Variants in APBA2 observed in about 807,000 individuals in gnomAD.
The protein encoded by APBA2 is amyloid-beta A4 precursor protein-binding family A member 2.
A neutral mutation model predicts 75.0 loss-of-function variants in APBA2; 30 were observed. That is an observed-to-expected ratio of 0.40 (90% CI 0.30 to 0.54). APBA2 has a LOEUF of 0.54. Ranked by LOEUF, APBA2 falls within the 20% of genes least tolerant of loss-of-function variation. The pLI is 0.49. For missense variants in APBA2, 801 were observed against 1,016.1 expected (o/e 0.79, Z 2.88); for synonymous variants, 444 against 409.6 (o/e 1.08, Z -1.01).
In APBA2 at chr15:29,054,163, G is replaced by A. The variant is rs367796388; in HGVS notation, c.279G>A (p.Glu93=). The A allele has an allele frequency of 3.1e-6, 5 of 1,614,080 alleles. No homozygotes were observed. Among genetic ancestry groups the A allele is most frequent in the Admixed American group, 1.7e-5 (1 of 60,008 alleles). The stretch of plus-strand genomic sequence containing the variant: ...ACTATGACGAGGGCCTCCCTGAGGA[G>A]GAGGAGGGCATCACCTACTACATCC... ...EEDYDEGLPE[E]EEGITYYIRY... The change falls in exon 4 of 15, where the codon GAG becomes GAA. Residue 93 remains glutamate, a synonymous_variant. Coordinates refer to ENST00000683413, the MANE Select transcript of APBA2 (RefSeq NM_001353788.2). The surrounding 1 kb of genome is among the most constrained non-coding windows in gnomAD (Gnocchi z 6.1).
At chr15:29,052,562 C>T (rs1472583704) in intron 3 of APBA2, among the ~76,000 whole-genome samples, 2 of 152,098 alleles carry the variant, frequency 1.3e-5, no homozygotes, top group Non-Finnish European at 2.9e-5. Flanking sequence ...ATAGCCTTTT[C>T]ACTGGTCTCC....
chr15:29,010,459 C>T (rs1056452902), intron 3 of APBA2, among the ~76,000 whole-genome samples: 3 of 152,080 alleles, frequency 2.0e-5, no homozygotes, highest in Non-Finnish European at 4.4e-5. Flanking sequence ...GGGGTTTCAC[C>T]GTGTTAGCCA....
chr15:28,949,591 C>T (rs1243305400), intron 2 of APBA2, among the ~76,000 whole-genome samples: 1 of 152,178 alleles, frequency 6.6e-6, no homozygotes, highest in Non-Finnish European at 1.5e-5. Flanking sequence ...ACCTCAGCCT[C>T]CCAATTAGAT....
rs564119292 is a variant in APBA2 at position 29,045,277 on chromosome 15, A to G, written c.-40-8568A>G. Among the ~76,000 whole-genome samples, 7 of 144,720 alleles carry G rather than the reference A, an allele frequency of 4.8e-5. No homozygotes were observed. In the East Asian group the frequency reaches 1.2e-3, roughly 25 times the overall value. The allele number at this position is 144,720 out of a possible 152,430, so 94.9% of individuals were successfully genotyped here. ...TTTTTTTTTTTTGTATTTTTAGTAG[A>G]GATGGGATTTCACAATGTTGGCCAG... On this transcript the variant is annotated intron_variant, in intron 3 of 14. Coordinates refer to ENST00000683413, the MANE Select transcript of APBA2 (RefSeq NM_001353788.2).
chr15:29,078,541 G>A (rs1378891985), intron 6 of APBA2, among the ~76,000 whole-genome samples: 3 of 151,592 alleles, frequency 2.0e-5, no homozygotes, highest in African/African-American at 7.3e-5. Flanking sequence ...AACCCGGGAG[G>A]CGGAGCTTGC....
chr15:28,905,642 C>T (rs1032589326), intron 1 of APBA2, among the ~76,000 whole-genome samples: 10 of 152,188 alleles, frequency 6.6e-5, no homozygotes, highest in African/African-American at 2.2e-4. Context: ...CCTCCCGCCT[C>T]AGTCTCCTGA....
At chr15:28,920,550 CCTT>C (rs1420389867) in intron 1 of APBA2, among the ~76,000 whole-genome samples, 3 of 152,308 alleles carry the variant, frequency 2.0e-5, no homozygotes, top group African/African-American at 7.2e-5. Context: ...GGACACTACT[CCTT>C]CTTGTGCTTC....
chr15:29,114,085 C>T (rs2044903353), intron 14 of APBA2, 69 bp downstream of exon 14: 1 of 1,605,718 alleles, frequency 6.2e-7, no homozygotes. Context: ...CTCCATGAGC[C>T]TCCCCCGCTC....
Position 28,920,807 on chromosome 15 carries a change from C to T in APBA2, c.-204-833C>T, listed in dbSNP as rs150553210. ...GTGCTGGAGCTGGAGCCTGAACCCCCATATCTCAGTGCTGCCATCATCCTT... is the reference window on the plus strand; with the variant it reads ...GTGCTGGAGCTGGAGCCTGAACCCCTATATCTCAGTGCTGCCATCATCCTT... On this transcript the variant is annotated intron_variant, in intron 1 of 14. Coordinates refer to ENST00000683413, the MANE Select transcript of APBA2 (RefSeq NM_001353788.2). Among the ~76,000 whole-genome samples the T allele has an allele frequency of 2.1e-3, 319 of 152,238 alleles. 3 individuals are homozygous for T. Among genetic ancestry groups the T allele is most frequent in the African/African-American group, 7.4e-3 (309 of 41,516 alleles).
chr15:28,984,420 CAG>C (rs2037787611), intron 2 of APBA2, among the ~76,000 whole-genome samples: 1 of 152,028 alleles, frequency 6.6e-6, no homozygotes, highest in South Asian at 2.1e-4. Context: ...CTTAGTGTCA[CAG>C]AACCTAGGCT....
At chr15:29,100,598 T>A (rs956630553) in intron 9 of APBA2, among the ~76,000 whole-genome samples, 1 of 152,216 alleles carries the variant, frequency 6.6e-6, no homozygotes, top group Non-Finnish European at 1.5e-5. Flanking sequence ...GCCGAGGGAA[T>A]TGAAGTCAGG....
chr15:28,890,248 T>G (rs2032041479), intron 1 of APBA2, among the ~76,000 whole-genome samples: 1 of 152,200 alleles, frequency 6.6e-6, no homozygotes, highest in South Asian at 2.1e-4. Context: ...GAGAATGTGT[T>G]TGGGAAGGTA....
intron 4 of APBA2, chr15:29,071,236 A>C (rs2042608939): frequency 2.7e-6 from 1 of 366,322 alleles, no homozygotes; most frequent in African/African-American, 2.1e-5. Context: ...CCTGGAGCCA[A>C]GGTGTTTATT....
intron 3 of APBA2, among the ~76,000 whole-genome samples, chr15:28,996,829 A>AC (rs956634731): frequency 1.9e-4 from 28 of 151,316 alleles, no homozygotes; most frequent in South Asian, 4.2e-4. Flanking sequence ...CCTTGGGAAC[A>AC]CCCCCCCTGC....
intron 2 of APBA2, among the ~76,000 whole-genome samples, chr15:28,965,848 T>C (rs773675480): frequency 1.3e-5 from 2 of 152,208 alleles, no homozygotes; most frequent in African/African-American, 2.4e-5. Context: ...AACTATATGT[T>C]TTCCTCTCAG....
At chr15:29,021,632 T>C (rs1293399845) in intron 3 of APBA2, among the ~76,000 whole-genome samples, 1 of 152,174 alleles carries the variant, frequency 6.6e-6, no homozygotes, top group African/African-American at 2.4e-5. Context: ...TTTATTACGA[T>C]GATGATGATT....
At chr15:29,072,907 T>C (rs2042687408) in intron 4 of APBA2, among the ~76,000 whole-genome samples, 1 of 152,122 alleles carries the variant, frequency 6.6e-6, no homozygotes, top group Non-Finnish European at 1.5e-5. Context: ...GGCAGCCCCA[T>C]GTAGCTTTCT....
At chr15:28,993,112 G>A (rs2038322673) in intron 2 of APBA2, among the ~76,000 whole-genome samples, 1 of 152,174 alleles carries the variant, frequency 6.6e-6, no homozygotes, top group Non-Finnish European at 1.5e-5. Flanking sequence ...AGCCATGTCT[G>A]ATCCTCTGTG....
chr15:28,930,425 T>C (rs2034503220), intron 2 of APBA2, among the ~76,000 whole-genome samples: 2 of 152,128 alleles, frequency 1.3e-5, no homozygotes, highest in South Asian at 4.1e-4. Flanking sequence ...TTTCTGTCGT[T>C]CTAAGGCAAT....
Sources: allele counts gnomAD v4.1 joint callset (sites outside exome capture counted in the v4.1 genomes callset), GRCh38; gene constraint gnomAD v4.1.1; non-coding constraint Gnocchi (gnomAD v3.1); transcripts MANE v1.5; gene names NCBI Gene and HGNC (gene_info 2026-07-23, HGNC 2026-07-21).